The following SULF1 variants were observed in gnomAD, a reference collection of about 807,000 sequenced individuals.
SULF1 encodes extracellular sulfatase Sulf-1.
Under a neutral mutation model 110.5 loss-of-function variants are expected in SULF1, and 46 were observed. That is an observed-to-expected ratio of 0.42 (90% confidence interval 0.33 to 0.53). The LOEUF (loss-of-function observed/expected upper bound fraction) is 0.53. SULF1 is among the 20% of genes least tolerant of loss of function. The probability of loss-of-function intolerance (pLI) is 0.12; values close to 1 mark genes in which losing one functional copy is unlikely to be tolerated. For missense variants in SULF1, 941 were observed against 1,094.2 expected (o/e 0.86, Z 1.98); for synonymous variants, 371 against 387.1 (o/e 0.96, Z 0.49).
At chr8:69,638,915 A>G in intron 21 of SULF1, 57 bp downstream of exon 21, 2 of 1,531,040 alleles carry the variant, frequency 1.3e-6, no homozygotes, top group Non-Finnish European at 8.8e-7. Context: ...TGTGTTACTG[A>G]GCTTTCTGCC....
At chr8:69,535,562 A>T (rs1813377350) in intron 3 of SULF1, among the ~76,000 whole-genome samples, 3 of 152,308 alleles carry the variant, frequency 2.0e-5, no homozygotes, top group Middle Eastern at 3.4e-3. Flanking sequence ...GAAAGGAAAA[A>T]GGCAAATAGG....
chr8:69,522,349 A>T (rs1563493563), intron 3 of SULF1, among the ~76,000 whole-genome samples: 1 of 152,152 alleles, frequency 6.6e-6, no homozygotes, highest in Non-Finnish European at 1.5e-5. Context: ...TCAGCCAAAG[A>T]CGAATTCAAG....
Position 69,651,061 on chromosome 8 carries a change from T to C in SULF1, c.2586-7444T>C, listed in dbSNP as rs547248030. Reference sequence around the variant, plus strand: ...TCTATTCTTTTTTTTCTTTTCTTTTTTTTTTTTTTTGAGACAGAGTTTTGC... The same window carrying C: ...TCTATTCTTTTTTTTCTTTTCTTTTCTTTTTTTTTTGAGACAGAGTTTTGC... On this transcript the variant is annotated intron_variant, in intron 22 of 22. Transcript: ENST00000402687. Among the ~76,000 whole-genome samples, 83 of 150,164 alleles carry C rather than the reference T, an allele frequency of 5.5e-4. 1 individual carries two copies. The highest frequency in any genetic ancestry group is 3.6e-3 in the South Asian group (17 of 4,688).
chr8:69,505,396 C>T (rs1811116741), intron 3 of SULF1, among the ~76,000 whole-genome samples: 1 of 152,128 alleles, frequency 6.6e-6, no homozygotes. Flanking sequence ...TTGGTGCGCA[C>T]AGATGGGATA....
In SULF1 at chr8:69,638,816, G is replaced by A. The variant is rs1411220702; in HGVS notation, c.2509G>A (p.Gly837Arg). The change falls in exon 21 of 23, where the codon GGA (glycine) becomes AGA (arginine). Residue 837 changes from glycine to arginine, a missense_variant. Around this residue, in one of 3 missense-constraint regions of SULF1, gnomAD observed 112 missense variants for 133.5 expected, o/e 0.84. Coordinates refer to ENST00000402687, the MANE Select transcript of SULF1 (RefSeq NM_001128205.2). ...VQLMELRSCQGYKQCNPRPKN... is the reference protein window; with the variant it reads ...VQLMELRSCQRYKQCNPRPKN... ...ACTAATGGAGCTCAGAAGCTGTCAAGGATATAAGCAGTGCAACCCAAGACC... is the reference window on the plus strand; with the variant it reads ...ACTAATGGAGCTCAGAAGCTGTCAAAGATATAAGCAGTGCAACCCAAGACC... The A allele has an allele frequency of 1.2e-6, 2 of 1,614,080 alleles. No homozygotes were observed. The highest frequency in any genetic ancestry group is 2.2e-5 in the South Asian group (2 of 91,056).
Position 69,638,851 on chromosome 8 carries a change from T to C in SULF1, c.2544T>C (p.Leu848=). 1 of 1,603,934 alleles carries C rather than the reference T, an allele frequency of 6.2e-7. No homozygotes were observed. Among genetic ancestry groups the C allele is most frequent in the East Asian group, 2.2e-5 (1 of 44,842 alleles). The change falls in exon 21 of 23, where the codon CTT becomes CTC. Residue 848 remains leucine, a synonymous_variant. Transcript: ENST00000402687. ...YKQCNPRPKN[L]DVGNKDGGSY... ...AGTGCAACCCAAGACCTAAGAATCTTGATGTTGGTAAGGAAAAAAATACTA... is the reference window on the plus strand; with the variant it reads ...AGTGCAACCCAAGACCTAAGAATCTCGATGTTGGTAAGGAAAAAAATACTA...
At chr8:69,624,383 A>G (rs1386653403) in intron 15 of SULF1, among the ~76,000 whole-genome samples, 186 bp downstream of exon 15, 3 of 152,216 alleles carry the variant, frequency 2.0e-5, no homozygotes, top group Admixed American at 2.0e-4. Context: ...GCTTGGACAC[A>G]TGCTTTGGGT....
upstream of SULF1, among the ~76,000 whole-genome samples, chr8:69,492,297 T>C (rs933041737): frequency 1.3e-5 from 2 of 151,762 alleles, no homozygotes; most frequent in African/African-American, 4.8e-5. Flanking sequence ...TTCCGTTTAT[T>C]GCTCCCACAG....
intron 19 of SULF1, among the ~76,000 whole-genome samples, chr8:69,636,036 A>G (rs1470166087): frequency 6.6e-6 from 1 of 152,148 alleles, no homozygotes; most frequent in Non-Finnish European, 1.5e-5. Flanking sequence ...TGGGGATTAA[A>G]TGAGTTAAAG....
intron 6 of SULF1, among the ~76,000 whole-genome samples, chr8:69,578,497 T>TC (rs1394437493): frequency 2.3e-5 from 2 of 88,258 alleles, no homozygotes; most frequent in Admixed American, 1.5e-4. Context: ...ATGCTATCCC[T>TC]CCCCCCTCCC....
At chr8:69,642,180 T>A (rs1009974585) in intron 22 of SULF1, 1 of 922,090 alleles carries the variant, frequency 1.1e-6, no homozygotes. Context: ...TATATTAATA[T>A]CTTCTTCATC....
chr8:69,556,081 T>TA (rs1815095082), intron 3 of SULF1, among the ~76,000 whole-genome samples: 33 of 152,214 alleles, frequency 2.2e-4, no homozygotes, highest in Non-Finnish European at 1.5e-5. Flanking sequence ...ACTTGAGATA[T>TA]GTGTCTGTGT....
intron 3 of SULF1, among the ~76,000 whole-genome samples, chr8:69,552,011 G>A (rs1814756581): frequency 6.6e-6 from 1 of 152,206 alleles, no homozygotes; most frequent in African/African-American, 2.4e-5. Context: ...AGAATCACTT[G>A]AACCCACAAG....
chr8:69,488,396 G>A (rs1167132536), upstream of SULF1, among the ~76,000 whole-genome samples: 2 of 152,210 alleles, frequency 1.3e-5, no homozygotes, highest in Non-Finnish European at 2.9e-5. Flanking sequence ...TCAGGAAAGA[G>A]AAGAGTGCTA....
intron 8 of SULF1, among the ~76,000 whole-genome samples, chr8:69,591,575 CAA>C (rs914415421): frequency 2.0e-5 from 3 of 149,564 alleles, no homozygotes; most frequent in African/African-American, 7.4e-5. Context: ...AAAAAAAAAA[CAA>C]AGAAAAGAAA....
In SULF1 at chr8:69,660,604, T is replaced by C. The variant is rs1386138979; in HGVS notation, c.*2069T>C. The C allele has an allele frequency of 1.3e-5, 2 of 152,672 alleles. No individual in the cohort carries two copies. Among genetic ancestry groups the C allele is most frequent in the Non-Finnish European group, 2.9e-5 (2 of 68,042 alleles). 9.5% of individuals were successfully genotyped at this position (152,672 alleles called of 1,614,324 possible). ...AAATTATGTTTTCTTTAAGTGTTTA[T>C]GGTAAACTCTTTTAAAGAAAATTTA... On this transcript the variant is annotated 3_prime_UTR_variant, in exon 23 of 23. Transcript: ENST00000402687.
At chr8:69,506,447 T>G (rs1340559357) in intron 3 of SULF1, among the ~76,000 whole-genome samples, 1 of 152,232 alleles carries the variant, frequency 6.6e-6, no homozygotes, top group African/African-American at 2.4e-5. Context: ...CACCCATGTA[T>G]GTACATAGCT....
chr8:69,472,495 G>A (rs1038133704), intron 1 of SULF1, among the ~76,000 whole-genome samples: 7 of 152,180 alleles, frequency 4.6e-5, no homozygotes, highest in African/African-American at 1.7e-4. Context: ...CCCTGGAAGG[G>A]CAGCTGACTG....
intron 1 of SULF1, among the ~76,000 whole-genome samples, chr8:69,476,926 C>T (rs1214988808): frequency 6.6e-6 from 1 of 152,112 alleles, no homozygotes; most frequent in Non-Finnish European, 1.5e-5. Context: ...GGTTTAGCTG[C>T]CAAACTTAAA....
Sources: allele counts gnomAD v4.1 joint callset (sites outside exome capture counted in the v4.1 genomes callset), GRCh38; gene constraint gnomAD v4.1.1; regional missense constraint gnomAD v4.1.1; transcripts MANE v1.5; gene names NCBI Gene and HGNC (gene_info 2026-07-23, HGNC 2026-07-21).